Variants in KANK1 observed in about 807,000 individuals in gnomAD.
KANK1 encodes KN motif and ankyrin repeat domains 1.
Under a neutral mutation model 106.2 loss-of-function variants are expected in KANK1, and 109 were observed. That is an observed-to-expected ratio of 1.03 (90% CI 0.88 to 1.20). The LOEUF is 1.20. Among genes scored for constraint, KANK1 ranks in the 50% most tolerant of loss-of-function variants. KANK1 has a pLI of 0.00. For missense variants in KANK1, 2,399 were observed against 1,710.7 expected (o/e 1.40, Z -7.10); for synonymous variants, 873 against 652.2 (o/e 1.34, Z -5.16).
At chr9:591,973 T>C (rs938820402) in intron 1 of KANK1, among the ~76,000 whole-genome samples, 1 of 151,738 alleles carries the variant, frequency 6.6e-6, no homozygotes, top group African/African-American at 2.4e-5. Context: ...TTATCATTTC[T>C]TATTAACTTA....
chr9:638,364 T>C (rs1417068385), intron 1 of KANK1, among the ~76,000 whole-genome samples: 1 of 152,204 alleles, frequency 6.6e-6, no homozygotes, highest in Non-Finnish European at 1.5e-5. Context: ...TTCGCCACTT[T>C]TGCTTTCTCT....
intron 2 of KANK1, among the ~76,000 whole-genome samples, chr9:703,906 G>C (rs1001369378): frequency 6.6e-6 from 1 of 151,990 alleles, no homozygotes; most frequent in Admixed American, 6.6e-5. Context: ...TAGAGACCTG[G>C]TTTCACCATG....
chr9:547,762 G>C (rs1320305721), intron 1 of KANK1, among the ~76,000 whole-genome samples: 1 of 142,918 alleles, frequency 7.0e-6, no homozygotes, highest in East Asian at 1.9e-4. Context: ...TAACTGCTTG[G>C]TCTGGCACTC....
At chr9:530,214 C>T (rs963619696) in intron 1 of KANK1, among the ~76,000 whole-genome samples, 1 of 152,118 alleles carries the variant, frequency 6.6e-6, no homozygotes, top group Non-Finnish European at 1.5e-5. Flanking sequence ...GGTTATATTA[C>T]ATTTTTCCAT....
Position 711,877 on chromosome 9 carries a change from A to G in KANK1, c.1111A>G (p.Thr371Ala), listed in dbSNP as rs751562348. The change falls in exon 3 of 12, where the codon ACA becomes GCA. Residue 371 changes from threonine to alanine, a missense_variant. Physicochemically the swap from Thr to Ala is moderately conservative, Grantham distance 58. Coordinates refer to ENST00000382297, the MANE Select transcript of KANK1 (RefSeq NM_015158.5). ...GAGGATAAAGGAGTTCCGGCAACTT[A>G]CAGCAGACATGCAAGCCCTGGAGCA... is the stretch of plus-strand genomic sequence containing the variant. ...TQRIKEFRQL[T>A]ADMQALEQKI... The G allele has an allele frequency of 1.9e-6, 3 of 1,614,234 alleles. No homozygotes were observed. Among genetic ancestry groups the G allele is most frequent in the Non-Finnish European group, 1.7e-6 (2 of 1,180,048 alleles).
At chr9:496,126 C>T (rs953973379) in intron 3 of KANK1, among the ~76,000 whole-genome samples, 1 of 152,146 alleles carries the variant, frequency 6.6e-6, no homozygotes, top group African/African-American at 2.4e-5. Context: ...TCTGTGAGCC[C>T]CATTCTTCTT....
rs578136842 is a variant in KANK1 at position 734,392 on chromosome 9, G to A, written c.3246-356G>A. 1.5e-4 allele frequency: 28 copies of A among 192,996 alleles called. 1 individual carries two copies. Among genetic ancestry groups the A allele is most frequent in the South Asian group, 1.1e-3 (11 of 9,716 alleles). The allele number at this position is 192,996 out of a possible 1,614,324, so 12.0% of individuals were successfully genotyped here. ...ATATATTTTTAAAAGTTGAAGCTGC[G>A]CAGTGTCCCACCCCTGTAATCCCAG... is the stretch of plus-strand genomic sequence containing the variant. On this transcript the variant is annotated intron_variant, in intron 6 of 11. Coordinates refer to ENST00000382297, the MANE Select transcript of KANK1 (RefSeq NM_015158.5).
rs77167236 is a variant in KANK1, at chr9:527,684, T to C, written c.-84+22930T>C. ...GATAGTCTCCTTGAGATTTGGCATA[T>C]CTAAATTGTCTTTTTTTTTTTTTTC... On this transcript the variant is annotated intron_variant, in intron 1 of 11. Transcript: ENST00000382297. Among the ~76,000 whole-genome samples the C allele has an allele frequency of 2.9e-4, 44 of 151,090 alleles. No individual in the cohort carries two copies. In the East Asian group the frequency reaches 8.1e-3, roughly 28 times the overall value.
intron 1 of KANK1, among the ~76,000 whole-genome samples, chr9:623,111 T>C (rs1260668625): frequency 6.6e-6 from 1 of 151,342 alleles, no homozygotes; most frequent in African/African-American, 2.4e-5. Flanking sequence ...ACCAACAAAA[T>C]GAAAAGGTAA....
intron 1 of KANK1, among the ~76,000 whole-genome samples, chr9:542,027 T>TG (rs1391612734): frequency 2.0e-5 from 3 of 151,156 alleles, no homozygotes; most frequent in African/African-American, 7.3e-5. Flanking sequence ...AGGCGGAGCT[T>TG]GCAGTGAGCC....
chr9:684,257 G>T (rs959444706), intron 2 of KANK1: 4 of 985,290 alleles, frequency 4.1e-6, no homozygotes, highest in Admixed American at 1.2e-4. Flanking sequence ...AGCCAAGAAA[G>T]GATGATTTAT....
Position 712,966 on chromosome 9 carries a change from C to T in KANK1, c.2200C>T (p.Arg734Trp), listed in dbSNP as rs375662630. Reference protein sequence around the residue: ...VKDINSSTKTRSIGVGTLLSG... With the variant: ...VKDINSSTKTWSIGVGTLLSG... Reference sequence around the variant, plus strand: ...GGACATCAACTCCTCCACCAAGACGCGGTCCATTGGTGTTGGAACGTTGCT... The same window carrying T: ...GGACATCAACTCCTCCACCAAGACGTGGTCCATTGGTGTTGGAACGTTGCT... The change falls in exon 3 of 12, where the codon CGG becomes TGG. Residue 734 changes from arginine to tryptophan, a missense_variant. Physicochemically the swap from Arg to Trp is moderately radical, Grantham distance 101. Coordinates refer to ENST00000382297, the MANE Select transcript of KANK1 (RefSeq NM_015158.5). 1.5e-5 allele frequency: 24 copies of T among 1,614,062 alleles called. No homozygotes were observed. The East Asian group carries it at 1.6e-4, about 10-fold the overall frequency.
chr9:669,514 T>TG lies in KANK1; in HGVS notation c.-83-7372dup, dbSNP rs1554675187. 5.2e-3 allele frequency among the ~76,000 whole-genome samples: 680 copies of TG among 131,866 alleles called. 11 individuals are homozygous for TG. The highest frequency in any genetic ancestry group is 0.016 in the African/African-American group (625 of 38,426). The allele number at this position is 131,866 out of a possible 152,430, so 86.5% of individuals were successfully genotyped here. A position where few individuals can be genotyped will look rare whatever the true frequency, so the allele number is the denominator to read the frequency against. On this transcript the variant is annotated intron_variant, in intron 1 of 11. Transcript: ENST00000382297. ...AGTATTTGAGGATAGCAGGGTTTTT[T>TG]GGGGTTTTTTCTTTCAGCACTTTGA... is the stretch of plus-strand genomic sequence containing the variant.
intron 3 of KANK1, among the ~76,000 whole-genome samples, chr9:489,929 C>G (rs955600402): frequency 3.4e-4 from 52 of 152,086 alleles, no homozygotes; most frequent in African/African-American, 1.3e-3. Flanking sequence ...TCTGGGGGAA[C>G]AAAACCGTAC....
intron 1 of KANK1, among the ~76,000 whole-genome samples, chr9:654,541 A>G (rs1198583612): frequency 6.6e-6 from 1 of 151,058 alleles, no homozygotes; most frequent in Non-Finnish European, 1.5e-5. Context: ...TCAAACACTA[A>G]CTCAACCAGA....
chr9:731,388 C>T (rs1465646042), intron 5 of KANK1, 122 bp downstream of exon 5: 11 of 571,688 alleles, frequency 1.9e-5, no homozygotes, highest in Non-Finnish European at 3.2e-5. Context: ...AGATTCCCTC[C>T]TCAGAAAGGC....
intron 2 of KANK1, among the ~76,000 whole-genome samples, chr9:680,246 G>A (rs187974571): frequency 3.3e-5 from 5 of 152,228 alleles, no homozygotes; most frequent in Admixed American, 2.6e-4. Context: ...AAGCAAAAGA[G>A]GAGCCTCTGG....
Position 594,374 on chromosome 9 carries a change from C to T in KANK1, c.-83-82516C>T, listed in dbSNP as rs114032956. ...CTGGAGATTTACATTGAGAATAACT[C>T]GTTCTTCAAAACTTTCTTCATTTTC... is the stretch of plus-strand genomic sequence containing the variant. On this transcript the variant is annotated intron_variant, in intron 1 of 11. Transcript: ENST00000382297. Among the ~76,000 whole-genome samples, 1,096 of 151,914 alleles carry T rather than the reference C, an allele frequency of 7.2e-3. 43 individuals are homozygous for T. The highest frequency in any genetic ancestry group is 0.024 in the African/African-American group (1,000 of 41,224).
At chr9:498,356 CAGTATTAATACT>C (rs1300365025) in intron 3 of KANK1, among the ~76,000 whole-genome samples, 1 of 152,004 alleles carries the variant, frequency 6.6e-6, no homozygotes, top group Non-Finnish European at 1.5e-5. Context: ...TGGTCATGTT[CAGTATTAATACT>C]AGATTAGCTT....
Sources: gnomAD v4.1 joint callset for allele counts (sites outside exome capture counted in the v4.1 genomes callset) on GRCh38, gnomAD v4.1.1 for gene constraint, MANE v1.5 for transcripts, NCBI Gene and HGNC (gene_info 2026-07-23, HGNC 2026-07-21) for gene names.